ZNF320: variants seen among roughly 807,000 people sequenced by gnomAD.
ZNF320 encodes the protein zinc finger protein 320.
In ZNF320, 2 loss-of-function variants were observed where a neutral mutation model predicts 6.8. The ratio of observed to expected loss-of-function variants is 0.29; its 90% confidence interval spans 0.12 to 0.93. The LOEUF (loss-of-function observed/expected upper bound fraction) is 0.93, where lower values mean the gene tolerates loss of function less well. Among genes scored for constraint, ZNF320 ranks in the 40% least tolerant of loss-of-function variants. The pLI is 0.55. For synonymous variants in ZNF320, 208 were observed against 203.2 expected (o/e 1.02, Z -0.20); for missense variants, 472 against 611.0 (o/e 0.77, Z 2.40).
chr19:52,901,841 G>A (rs10426929), upstream of ZNF320, among the ~76,000 whole-genome samples: 74,220 of 152,050 alleles, frequency 0.49, 18,594 homozygotes, highest in Non-Finnish European at 0.54. Flanking sequence ...GGGAAACCTC[G>A]TCTAGTTGTT....
intron 5 of ZNF320, chr19:52,865,298 G>A: frequency 8.1e-6 from 2 of 247,004 alleles, no homozygotes; most frequent in South Asian, 1.1e-4. Flanking sequence ...CTCCAGACTG[G>A]GTGAGAAGAA....
At chr19:52,903,715 C>G in the ZNF320 span, among the ~76,000 whole-genome samples, 1 of 138,022 alleles carries the variant, frequency 7.2e-6, no homozygotes, top group East Asian at 2.1e-4. Flanking sequence ...TTTTTTTTTT[C>G]TTCTGAGACA....
chr19:52,866,404 A>G (rs1390605497), intron 5 of ZNF320, among the ~76,000 whole-genome samples: 2 of 151,764 alleles, frequency 1.3e-5, no homozygotes, highest in African/African-American at 2.4e-5. Context: ...AGTGAAGTCA[A>G]CACACTCAGA....
upstream of ZNF320, among the ~76,000 whole-genome samples, chr19:52,899,656 T>C (rs1036016496): frequency 2.0e-5 from 3 of 152,004 alleles, no homozygotes; most frequent in East Asian, 1.9e-4. Context: ...AGAGACGGGG[T>C]TTCACTGTGT....
At chr19:52,900,237 A>G (rs2064567095), upstream of ZNF320, among the ~76,000 whole-genome samples, 1 of 152,210 alleles carries the variant, frequency 6.6e-6, no homozygotes, top group African/African-American at 2.4e-5. Context: ...CTTTTTGTGT[A>G]ACTGGAACTT....
intron 5 of ZNF320, among the ~76,000 whole-genome samples, chr19:52,885,684 C>T (rs1306066544): frequency 1.3e-5 from 2 of 151,276 alleles, no homozygotes; most frequent in African/African-American, 2.4e-5. Context: ...CCATTGCACT[C>T]CAGCCTGGGA....
chr19:52,867,140 C>A (rs1173892505), intron 5 of ZNF320, among the ~76,000 whole-genome samples: 1 of 151,960 alleles, frequency 6.6e-6, no homozygotes, highest in South Asian at 2.1e-4. Context: ...TCTGGATGTT[C>A]ATATTGGCCA....
Position 52,890,249 on chromosome 19 carries a change from G to C in ZNF320, c.7C>G (p.Leu3Val). The stretch of plus-strand genomic sequence containing the variant: ...CGAGAATATCATCTCACCTGAGAAA[G>C]AGCCATCCCCGACTCCTTTGCTTTC... MALSQGLLTFRDV... is the reference protein window; with the variant it reads MAVSQGLLTFRDV... Residue 3 changes from leucine (L) to valine (V), a missense_variant, in exon 4 of 6, where the codon CTT (leucine) becomes GTT (valine). Leu to Val is a conservative substitution (Grantham distance 32, BLOSUM62 1). Coordinates refer to ENST00000682928, the MANE Select transcript of ZNF320 (RefSeq NM_001351774.2). The C allele has an allele frequency of 6.2e-7, 1 of 1,607,436 alleles. No homozygotes were observed. The highest frequency in any genetic ancestry group is 1.7e-4 in the Middle Eastern group (1 of 6,056).
chr19:52,887,513 A>C lies in ZNF320; in HGVS notation c.142+614T>G, dbSNP rs72483982. The stretch of plus-strand genomic sequence containing the variant: ...ATATGTAATATGTGGACATCGGGCT[A>C]TCTTCCAAGAACTAATGAGTTGAAA... On this transcript the variant is annotated intron_variant, in intron 5 of 5. Coordinates refer to ENST00000682928, the MANE Select transcript of ZNF320 (RefSeq NM_001351774.2). 1.2e-3 allele frequency among the ~76,000 whole-genome samples: 186 copies of C among 152,346 alleles called. 4 individuals are homozygous for C. The East Asian group carries it at 0.033, about 27-fold the overall frequency.
At chr19:52,896,386 C>G (rs997669744) in intron 1 of ZNF320, among the ~76,000 whole-genome samples, 1 of 152,194 alleles carries the variant, frequency 6.6e-6, no homozygotes, top group African/African-American at 2.4e-5. Context: ...CCATTGCACA[C>G]GGCCTTTATT....
In ZNF320 at chr19:52,880,963, T is replaced by C. The variant is rs780400335; in HGVS notation, c.1163A>G (p.Asn388Ser). The C allele has an allele frequency of 8.7e-6, 14 of 1,613,502 alleles. No individual in the cohort carries two copies. The South Asian group carries it at 1.3e-4, about 15-fold the overall frequency. Residue 388 changes from asparagine (N) to serine (S), a missense_variant, in exon 6 of 6, where the codon AAT becomes AGT. This residue lies in a region of ZNF320 where 462 missense variants were observed against 559.7 expected (regional missense o/e 0.83). Coordinates refer to ENST00000682928, the MANE Select transcript of ZNF320 (RefSeq NM_001351774.2). ...TGTACTAAAAACCTTGCCACATTCA[T>C]TACATGTGTAAGGTCTCTCTCCAGT... Reference protein sequence around the residue: ...VHTGERPYTCNECGKVFSTKA... With the variant: ...VHTGERPYTCSECGKVFSTKA...
chr19:52,867,645 CTT>C (rs1488853046), intron 5 of ZNF320, among the ~76,000 whole-genome samples: 1 of 151,910 alleles, frequency 6.6e-6, no homozygotes, highest in Non-Finnish European at 1.5e-5. Context: ...GAGTTTCACT[CTT>C]GTTGCCCCTG....
Position 52,881,616 on chromosome 19 carries a change from G to T in ZNF320, c.510C>A (p.Phe170Leu), listed in dbSNP as rs766680513. The T allele has an allele frequency of 6.2e-7, 1 of 1,613,916 alleles. No homozygotes were observed. Among genetic ancestry groups the T allele is most frequent in the Non-Finnish European group, 8.5e-7 (1 of 1,179,918 alleles). ...GTATTTCAAGATGTGATTTGCAACT[G>T]AAAACTTTCTCACATTCTTCACATT... Reference protein sequence around the residue: ...PYKCEECEKVFSCKSHLEIHR... With the variant: ...PYKCEECEKVLSCKSHLEIHR... Residue 170 changes from phenylalanine (F) to leucine (L), a missense_variant, in exon 6 of 6, where the codon TTC becomes TTA. Coordinates refer to ENST00000682928, the MANE Select transcript of ZNF320 (RefSeq NM_001351774.2).
intron 5 of ZNF320, among the ~76,000 whole-genome samples, chr19:52,866,044 ATATATATGATTATACATATATT>A (rs2063559235): frequency 2.5e-5 from 3 of 118,932 alleles, no homozygotes; most frequent in Non-Finnish European, 3.5e-5. Context: ...ATGATTATAC[ATATATATGATTATACATATATT>A]TATATATATG....
In ZNF320 at chr19:52,881,784, T is replaced by C. The variant is rs2063929665; in HGVS notation, c.342A>G (p.Thr114=). ...TACTACTAGTCAACTTTTTTATTTCTGTCATGGGTGCTTCATGGTCATTTG... is the reference window on the plus strand; with the variant it reads ...TACTACTAGTCAACTTTTTTATTTCCGTCATGGGTGCTTCATGGTCATTTG... ...DETNDHEAPM[T]EIKKLTSSTD... The change falls in exon 6 of 6, where the codon ACA becomes ACG. Residue 114 remains threonine (T), a synonymous_variant. Transcript: ENST00000682928. The C allele has an allele frequency of 6.2e-7, 1 of 1,613,820 alleles. No homozygotes were observed. The highest frequency in any genetic ancestry group is 1.3e-5 in the African/African-American group (1 of 74,930).
chr19:52,902,413 G>A (rs1388152080), upstream of ZNF320, among the ~76,000 whole-genome samples: 1 of 152,204 alleles, frequency 6.6e-6, no homozygotes, highest in Admixed American at 6.5e-5. Flanking sequence ...GACAATCAGG[G>A]CCTCTGGCCT....
At chr19:52,871,063 C>T (rs975375355) in intron 5 of ZNF320, among the ~76,000 whole-genome samples, 1 of 152,144 alleles carries the variant, frequency 6.6e-6, no homozygotes, top group Non-Finnish European at 1.5e-5. Context: ...AGGAGAATTG[C>T]TTGAACCCAG....
chr19:52,888,680 A>G (rs1270015748), intron 4 of ZNF320, among the ~76,000 whole-genome samples: 2 of 151,984 alleles, frequency 1.3e-5, no homozygotes, highest in Non-Finnish European at 2.9e-5. Context: ...ACAAAAATCC[A>G]TTTTGTAAAT....
At chr19:52,899,212 T>C (rs1056462158), upstream of ZNF320, among the ~76,000 whole-genome samples, 2 of 152,210 alleles carry the variant, frequency 1.3e-5, no homozygotes, top group Non-Finnish European at 2.9e-5. Context: ...ATTACTATTA[T>C]AACTCTTATT....
Sources: gnomAD v4.1 joint callset for allele counts (sites outside exome capture counted in the v4.1 genomes callset) on GRCh38, gnomAD v4.1.1 for gene constraint, gnomAD v4.1.1 regional missense constraint, MANE v1.5 for transcripts, NCBI Gene and HGNC (gene_info 2026-07-23, HGNC 2026-07-21) for gene names.